Variants in ARSB observed in about 807,000 individuals in gnomAD.
ARSB encodes N-acetylgalactosamine-4-sulfatase.
Under a neutral mutation model 50.9 loss-of-function variants are expected in ARSB, and 41 were observed. The ratio of observed to expected loss-of-function variants is 0.81; its 90% CI spans 0.63 to 1.04. The LOEUF (loss-of-function observed/expected upper bound fraction) is 1.04. Ranked by LOEUF, ARSB falls within the 50% of genes least tolerant of loss-of-function variation. The pLI is 0.00. For missense variants in ARSB, 672 were observed against 693.3 expected (o/e 0.97, Z 0.35); for synonymous variants, 269 against 284.8 (o/e 0.94, Z 0.56).
intron 5 of ARSB, among the ~76,000 whole-genome samples, chr5:78,845,960 C>G (rs1421874836): frequency 6.6e-6 from 1 of 152,080 alleles, no homozygotes; most frequent in East Asian, 1.9e-4. Context: ...TTTGCCCAGA[C>G]CAATGTTCTG....
At chr5:78,940,157 G>T (rs1750837817) in intron 4 of ARSB, among the ~76,000 whole-genome samples, 1 of 152,154 alleles carries the variant, frequency 6.6e-6, no homozygotes, top group Non-Finnish European at 1.5e-5. Context: ...ATTTGTTTGA[G>T]TTCATTGTAG....
At chr5:78,874,066 G>A (rs1447309691) in intron 5 of ARSB, among the ~76,000 whole-genome samples, 3 of 152,188 alleles carry the variant, frequency 2.0e-5, no homozygotes, top group Admixed American at 6.5e-5. Flanking sequence ...GCAAAGATTA[G>A]GGTAACATTT....
Position 78,893,711 on chromosome 5 carries a change from G to A in ARSB, c.899-7884C>T, listed in dbSNP as rs115290752. Among the ~76,000 whole-genome samples the A allele has an allele frequency of 2.3e-3, 350 of 152,308 alleles. 3 individuals are homozygous for A. The highest frequency in any genetic ancestry group is 8.1e-3 in the African/African-American group (338 of 41,576). ...TCTTGGAGATCTTTAGATGAAAGTT[G>A]TAAGGTAAGCACAAAATGTTGAGGT... On this transcript the variant is annotated intron_variant, in intron 4 of 7. Transcript: ENST00000264914.
At chr5:78,918,058 G>A (rs1381591383) in intron 4 of ARSB, among the ~76,000 whole-genome samples, 4 of 152,170 alleles carry the variant, frequency 2.6e-5, no homozygotes, top group Non-Finnish European at 4.4e-5. Context: ...AAATTTGACT[G>A]AGGTGTAGAA....
intron 4 of ARSB, among the ~76,000 whole-genome samples, chr5:78,913,470 T>C (rs1749400835): frequency 6.6e-6 from 1 of 152,226 alleles, no homozygotes; most frequent in Admixed American, 6.5e-5. Context: ...TACAGACAAA[T>C]GCAGCAGTGT....
At chr5:78,794,228 T>C (rs1743095080) in intron 6 of ARSB, among the ~76,000 whole-genome samples, 1 of 152,182 alleles carries the variant, frequency 6.6e-6, no homozygotes. Flanking sequence ...ATGAACTGAT[T>C]TCTCATTCCT....
intron 4 of ARSB, among the ~76,000 whole-genome samples, chr5:78,934,651 G>T (rs117459156): frequency 6.6e-6 from 1 of 151,924 alleles, no homozygotes; most frequent in Non-Finnish European, 1.5e-5. Context: ...TTTGGCAGGC[G>T]TGATGGTGGG....
chr5:78,799,175 T>C (rs898008138), intron 6 of ARSB, among the ~76,000 whole-genome samples: 1 of 152,204 alleles, frequency 6.6e-6, no homozygotes, highest in Non-Finnish European at 1.5e-5. Context: ...GAATGAAATA[T>C]GAAGGAGGTG....
rs202130413 is a variant in ARSB, at chr5:78,964,448, T to C, written c.658A>G (p.Ile220Val). The change falls in exon 3 of 8, where the codon ATA becomes GTA. Residue 220 changes from isoleucine to valine, a missense_variant. Transcript: ENST00000264914. Reference protein sequence around the residue: ...YSTNIFTKRAIALITNHPPEK... With the variant: ...YSTNIFTKRAVALITNHPPEK... ...GGTGGATGGTTAGTTATGAGGGCTATAGCCCTTTTGGTGAATATGTTTGTT... is the reference window on the plus strand; with the variant it reads ...GGTGGATGGTTAGTTATGAGGGCTACAGCCCTTTTGGTGAATATGTTTGTT... 154 of 1,614,092 alleles carry C rather than the reference T, an allele frequency of 9.5e-5. 1 individual carries two copies. The East Asian group carries it at 2.4e-3, about 25-fold the overall frequency.
intron 6 of ARSB, among the ~76,000 whole-genome samples, chr5:78,809,186 C>T (rs928620944): frequency 5.3e-5 from 8 of 152,200 alleles, no homozygotes; most frequent in Non-Finnish European, 7.3e-5. Context: ...GCATAGAACA[C>T]GCTGAGCGGG....
intron 4 of ARSB, among the ~76,000 whole-genome samples, chr5:78,943,362 C>T (rs1751036238): frequency 6.6e-6 from 1 of 152,192 alleles, no homozygotes; most frequent in Non-Finnish European, 1.5e-5. Flanking sequence ...GATGTAGTTT[C>T]TTCCTAGCCT....
At chr5:78,792,452 T>C (rs1407466494) in intron 6 of ARSB, among the ~76,000 whole-genome samples, 1 of 151,712 alleles carries the variant, frequency 6.6e-6, no homozygotes, top group African/African-American at 2.4e-5. Context: ...TGGGTTTGAA[T>C]AAGCTTGCCC....
chr5:78,846,906 C>T (rs1583875), intron 5 of ARSB, among the ~76,000 whole-genome samples: 75,045 of 151,980 alleles, frequency 0.49, 18,789 homozygotes, highest in African/African-American at 0.58. Flanking sequence ...TGGCCTTTAT[C>T]GTGTTGAGCT....
chr5:78,953,190 A>G (rs1266642490), intron 4 of ARSB, among the ~76,000 whole-genome samples: 1 of 152,280 alleles, frequency 6.6e-6, no homozygotes, highest in African/African-American at 2.4e-5. Context: ...AAGGCTGCTC[A>G]GGGTAGATGC....
At chr5:78,807,494 A>G (rs549299944) in intron 6 of ARSB, among the ~76,000 whole-genome samples, 1 of 152,292 alleles carries the variant, frequency 6.6e-6, no homozygotes, top group South Asian at 2.1e-4. Flanking sequence ...AACAGAGCCT[A>G]AGCCCGGGCA....
intron 4 of ARSB, among the ~76,000 whole-genome samples, chr5:78,932,995 C>T (rs895445425): frequency 1.3e-5 from 2 of 152,166 alleles, no homozygotes; most frequent in East Asian, 1.9e-4. Flanking sequence ...CAATGTCACA[C>T]CATTTAGAAA....
intron 5 of ARSB, among the ~76,000 whole-genome samples, chr5:78,879,432 C>G (rs921086127): frequency 2.6e-5 from 4 of 152,200 alleles, no homozygotes; most frequent in Non-Finnish European, 5.9e-5. Context: ...GTCACCCACT[C>G]CAGAACTACT....
At chr5:78,850,918 T>C (rs1745740223) in intron 5 of ARSB, among the ~76,000 whole-genome samples, 1 of 152,222 alleles carries the variant, frequency 6.6e-6, no homozygotes, top group African/African-American at 2.4e-5. Flanking sequence ...CCCTTTATCA[T>C]TTTTTATTGC....
chr5:78,890,251 C>CTT (rs55797488), intron 4 of ARSB, among the ~76,000 whole-genome samples: 30,395 of 134,676 alleles, frequency 0.23, 4,143 homozygotes, highest in South Asian at 0.33. Flanking sequence ...CAAATCTTAT[C>CTT]TTTTTTTTTT....
Sources: allele counts gnomAD v4.1 joint callset (sites outside exome capture counted in the v4.1 genomes callset), GRCh38; gene constraint gnomAD v4.1.1; transcripts MANE v1.5; gene names NCBI Gene and HGNC (gene_info 2026-07-23, HGNC 2026-07-21).